UBE3D: variants seen among roughly 807,000 people sequenced by gnomAD.
UBE3D encodes ubiquitin protein ligase E3D, also known as E3 ubiquitin-protein ligase E3D.
UBE3D carries 48 observed loss-of-function variants against 49.6 expected under a neutral mutation model. That is an observed-to-expected ratio of 0.97 (90% CI 0.77 to 1.23). The LOEUF (loss-of-function observed/expected upper bound fraction) is 1.23. Ranked by LOEUF, UBE3D falls within the 50% of genes most tolerant of loss-of-function variation. The pLI is 0.00. For missense variants in UBE3D, 452 were observed against 468.4 expected (o/e 0.96, Z 0.32); for synonymous variants, 189 against 174.2 (o/e 1.08, Z -0.67).
chr6:83,004,072 T>C (rs550575364), intron 8 of UBE3D, among the ~76,000 whole-genome samples: 9 of 152,324 alleles, frequency 5.9e-5, no homozygotes, highest in African/African-American at 2.2e-4. Flanking sequence ...ATTGGACTTC[T>C]AAAGAAAACC....
chr6:82,976,376 T>C (rs1777716450), intron 8 of UBE3D, among the ~76,000 whole-genome samples: 1 of 152,184 alleles, frequency 6.6e-6, no homozygotes, highest in Non-Finnish European at 1.5e-5. Flanking sequence ...ATTCTATTCC[T>C]GACAGTGGCT....
intron 8 of UBE3D, among the ~76,000 whole-genome samples, chr6:82,989,790 A>G (rs1263279048): frequency 2.0e-5 from 3 of 151,502 alleles, no homozygotes; most frequent in African/African-American, 7.3e-5. Context: ...AAAAATACAC[A>G]TCAATTACTT....
At chr6:83,020,341 G>GTT (rs11341564) in intron 7 of UBE3D, among the ~76,000 whole-genome samples, 5,903 of 141,194 alleles carry the variant, frequency 0.042, 386 homozygotes, top group African/African-American at 0.14. Flanking sequence ...ATGTGATACT[G>GTT]TTTTTTTTTT....
intron 8 of UBE3D, chr6:83,018,700 A>C (rs1231352849): frequency 2.8e-6 from 1 of 352,318 alleles, no homozygotes; most frequent in African/African-American, 2.2e-5. Context: ...TCACTGTTGA[A>C]GTCTGATTTA....
chr6:82,987,351 T>C (rs1211584773), intron 8 of UBE3D, among the ~76,000 whole-genome samples: 1 of 152,126 alleles, frequency 6.6e-6, no homozygotes, highest in Non-Finnish European at 1.5e-5. Flanking sequence ...TTGTTTGTAG[T>C]AGTTTTCTCA....
At chr6:82,944,686 T>C (rs1775273071) in intron 9 of UBE3D, among the ~76,000 whole-genome samples, 2 of 152,168 alleles carry the variant, frequency 1.3e-5, no homozygotes, top group East Asian at 1.9e-4. Flanking sequence ...AGGACTTGGT[T>C]TTTAGACAGC....
intron 9 of UBE3D, among the ~76,000 whole-genome samples, chr6:82,948,655 G>T (rs1425454893): frequency 6.6e-6 from 1 of 151,860 alleles, no homozygotes; most frequent in Non-Finnish European, 1.5e-5. Flanking sequence ...ACATTAAAAA[G>T]ATATTTCTTC....
downstream of UBE3D, among the ~76,000 whole-genome samples, chr6:82,889,120 C>T (rs1177103963): frequency 3.3e-5 from 5 of 152,206 alleles, no homozygotes; most frequent in African/African-American, 4.8e-5. Flanking sequence ...GTGGGACACA[C>T]TCCTCTGATG....
At chr6:82,901,653 C>T (rs1267222280) in intron 9 of UBE3D, among the ~76,000 whole-genome samples, 1 of 152,172 alleles carries the variant, frequency 6.6e-6, no homozygotes, top group African/African-American at 2.4e-5. Context: ...CACAGGTCTT[C>T]TAACTCCTAC....
intron 8 of UBE3D, among the ~76,000 whole-genome samples, chr6:83,014,164 A>G (rs1350378158): frequency 3.9e-5 from 6 of 152,352 alleles, no homozygotes; most frequent in Non-Finnish European, 8.8e-5. Context: ...TAAACTTACA[A>G]TAATCCACTG....
chr6:82,972,434 G>C (rs1358239118), intron 8 of UBE3D, among the ~76,000 whole-genome samples: 1 of 152,184 alleles, frequency 6.6e-6, no homozygotes, highest in East Asian at 1.9e-4. Context: ...CATGGGAAGA[G>C]ATGAGAATCC....
chr6:83,034,851 C>G (rs189328382), intron 5 of UBE3D, among the ~76,000 whole-genome samples: 222 of 151,850 alleles, frequency 1.5e-3, no homozygotes, highest in African/African-American at 5.2e-3. Context: ...TCAAACAAAT[C>G]AAATAATTTA....
At chr6:83,025,657 C>G (rs562298682) in intron 5 of UBE3D, among the ~76,000 whole-genome samples, 31 of 151,830 alleles carry the variant, frequency 2.0e-4, no homozygotes, top group African/African-American at 7.2e-4. Flanking sequence ...CTGAGGCGAG[C>G]AGATCACCTG....
Position 83,023,855 on chromosome 6 carries a change from T to G in UBE3D, c.737+114A>C, listed in dbSNP as rs1781269565. 3 of 658,958 alleles carry G rather than the reference T, an allele frequency of 4.6e-6. No individual in the cohort carries two copies. The South Asian group carries it at 6.1e-5, about 13-fold the overall frequency. 40.8% of individuals were successfully genotyped at this position (658,958 alleles called of 1,614,324 possible). A position where few individuals can be genotyped will look rare whatever the true frequency, so the allele number is the denominator to read the frequency against. On this transcript the variant is annotated intron_variant, in intron 6 of 9. Transcript: ENST00000369747. The stretch of plus-strand genomic sequence containing the variant: ...ATTCATGTAAGCAAACATCATCTGT[T>G]CCCAAAAACCTATTAAAATAAAAAA...
downstream of UBE3D, among the ~76,000 whole-genome samples, chr6:82,891,024 A>AT (rs5877824): frequency 0.33 from 49,502 of 151,918 alleles, 9,434 homozygotes; most frequent in African/African-American, 0.52. Flanking sequence ...AGTCACACAT[A>AT]AAGGCATTCA....
chr6:83,006,037 C>T (rs1779954242), intron 8 of UBE3D, among the ~76,000 whole-genome samples: 2 of 151,962 alleles, frequency 1.3e-5, no homozygotes, highest in Non-Finnish European at 2.9e-5. Context: ...CCAGCCTGGC[C>T]AACACGGTGA....
chr6:82,931,606 G>A (rs539117389), intron 9 of UBE3D, among the ~76,000 whole-genome samples: 2 of 152,304 alleles, frequency 1.3e-5, no homozygotes, highest in East Asian at 3.9e-4. Flanking sequence ...GAACTTTAAG[G>A]TTTAATAAAT....
Position 82,957,431 on chromosome 6 carries a change from T to C in UBE3D, c.1030A>G (p.Ser344Gly). The C allele has an allele frequency of 6.2e-7, 1 of 1,614,044 alleles. No individual in the cohort carries two copies. ...RNEKLVSLWE[S>G]DISVHPLTLP... ...GTTAGCGGGTGGACGCTGATGTCAC[T>C]TTCCCACAAGCTGACAAGTCTGGAA... The change falls in exon 9 of 10, where the codon AGT becomes GGT. Residue 344 changes from serine (S) to glycine (G), a missense_variant. Ser to Gly is a moderately conservative substitution (Grantham distance 56). Transcript: ENST00000369747.
At chr6:83,019,253 T>A in intron 7 of UBE3D, 117 bp from the exon 8 acceptor site, 2 of 957,972 alleles carry the variant, frequency 2.1e-6, no homozygotes, top group Non-Finnish European at 2.9e-6. Context: ...AATATGAGAA[T>A]CATGTACATA....
Sources: allele counts gnomAD v4.1 joint callset (sites outside exome capture counted in the v4.1 genomes callset), GRCh38; gene constraint gnomAD v4.1.1; transcripts MANE v1.5; gene names NCBI Gene and HGNC (gene_info 2026-07-23, HGNC 2026-07-21).